AUTS2: variants seen among roughly 807,000 people sequenced by gnomAD.
The protein encoded by AUTS2 is autism susceptibility gene 2 protein.
In AUTS2, 17 loss-of-function variants were observed where a neutral mutation model predicts 112.4. The ratio of observed to expected loss-of-function variants is 0.15; its 90% CI spans 0.10 to 0.23. The LOEUF (loss-of-function observed/expected upper bound fraction) is 0.23, where lower values mean the gene tolerates loss of function less well. Ranked by LOEUF, AUTS2 falls within the 10% of genes least tolerant of loss-of-function variation. The pLI, the probability that AUTS2 is intolerant of heterozygous loss-of-function variation, is 1.00. For synonymous variants in AUTS2, 751 were observed against 702.7 expected (o/e 1.07, Z -1.09); for missense variants, 1,510 against 1,701.6 (o/e 0.89, Z 1.98).
At chr7:70,737,484 T>C (rs1357592345) in intron 6 of AUTS2, among the ~76,000 whole-genome samples, 1 of 152,240 alleles carries the variant, frequency 6.6e-6, no homozygotes, top group Admixed American at 6.5e-5. Context: ...GATAGAAATA[T>C]CTTAACCGAT....
At chr7:69,806,007 C>T (rs1428229930) in intron 1 of AUTS2, among the ~76,000 whole-genome samples, 2 of 151,786 alleles carry the variant, frequency 1.3e-5, no homozygotes, top group Non-Finnish European at 2.9e-5. Flanking sequence ...TCACACGATT[C>T]CCCCACCTCA....
intron 4 of AUTS2, among the ~76,000 whole-genome samples, chr7:70,304,300 G>GCCATGAAT (rs1401250555): frequency 6.6e-6 from 1 of 152,204 alleles, no homozygotes; most frequent in Non-Finnish European, 1.5e-5. Flanking sequence ...GGCCAGGAGA[G>GCCATGAAT]CCATGAATGA....
In AUTS2 at chr7:70,148,747, TGTAA is replaced by T. The variant is rs1247044192; in HGVS notation, c.660+14179_660+14182del. On this transcript the variant is annotated intron_variant, in intron 4 of 18. Coordinates refer to ENST00000342771, the MANE Select transcript of AUTS2 (RefSeq NM_015570.4). ...AACATAAAAGTAAAACAAAAAACGG[TGTAA>T]GTGACAGACTTTACATGGCTGTGGT... Among the ~76,000 whole-genome samples the T allele has an allele frequency of 2.6e-5, 4 of 152,182 alleles. No individual in the cohort carries two copies. In the East Asian group the frequency reaches 5.8e-4, roughly 22 times the overall value.
intron 5 of AUTS2, among the ~76,000 whole-genome samples, chr7:70,447,683 T>C (rs964318847): frequency 1.3e-5 from 2 of 152,156 alleles, no homozygotes; most frequent in African/African-American, 2.4e-5. Context: ...TGAGAGCTGA[T>C]AGGAAAAGAC....
chr7:70,073,764 C>G (rs1802899160), intron 2 of AUTS2, among the ~76,000 whole-genome samples: 1 of 152,134 alleles, frequency 6.6e-6, no homozygotes, highest in Admixed American at 6.5e-5. Flanking sequence ...AAATGCCCTC[C>G]TTTGCTTCCT....
chr7:70,730,217 G>GT (rs35397169), intron 6 of AUTS2, among the ~76,000 whole-genome samples: 2,736 of 148,082 alleles, frequency 0.018, 74 homozygotes, highest in African/African-American at 0.061. Flanking sequence ...AGGACAACCA[G>GT]TTTTTTTTTT....
chr7:70,170,736 T>A (rs1212608530), intron 4 of AUTS2, among the ~76,000 whole-genome samples: 1 of 151,676 alleles, frequency 6.6e-6, no homozygotes, highest in African/African-American at 2.4e-5. Context: ...CCTTGCCGAG[T>A]AGCTGAGATT....
At position 70,766,316 on chromosome 7, in the gene AUTS2, G is replaced by A. The variant is rs148457885; in HGVS notation, c.1671G>A (p.Pro557=). The change falls in exon 9 of 19, where the codon CCG becomes CCA. Residue 557 remains proline (P), a synonymous_variant. Coordinates refer to ENST00000342771, the MANE Select transcript of AUTS2 (RefSeq NM_015570.4). The surrounding 1 kb of genome is among the most constrained non-coding windows in gnomAD (Gnocchi z 4.8). ...CCATCCCACCCACCGCCATCATGCC[G>A]ACGCCAGCACCTCCCATGGTGCGTA... ...PHAIPPTAIM[P]TPAPPMFDKY... 5.8e-5 allele frequency: 93 copies of A among 1,613,914 alleles called. No homozygotes were observed. Among genetic ancestry groups the A allele is most frequent in the African/African-American group, 2.0e-4 (15 of 74,898 alleles).
intron 6 of AUTS2, among the ~76,000 whole-genome samples, chr7:70,702,975 T>C (rs1327108931): frequency 6.6e-6 from 1 of 152,148 alleles, no homozygotes; most frequent in Non-Finnish European, 1.5e-5. Flanking sequence ...CTATCAGCAT[T>C]GTAGAAAGAA....
chr7:70,474,163 C>G (rs1157393756), intron 5 of AUTS2, among the ~76,000 whole-genome samples: 1 of 152,194 alleles, frequency 6.6e-6, no homozygotes, highest in Non-Finnish European at 1.5e-5. Flanking sequence ...CACCAGAGAA[C>G]AGGTTGGAGC....
chr7:69,825,418 T>C (rs1278970176), intron 1 of AUTS2, among the ~76,000 whole-genome samples: 1 of 152,036 alleles, frequency 6.6e-6, no homozygotes, highest in Non-Finnish European at 1.5e-5. Context: ...GCTGAGAGGC[T>C]CTCCTCCGAA....
intron 1 of AUTS2, among the ~76,000 whole-genome samples, chr7:69,761,425 G>A (rs1788180702): frequency 6.6e-6 from 1 of 152,150 alleles, no homozygotes; most frequent in South Asian, 2.1e-4. Flanking sequence ...GACGTCTGTT[G>A]TTTTTCATTG....
rs796507485 is a variant in AUTS2 at position 69,926,445 on chromosome 7, G to GTCTGTCTATCTA, written c.522+26950_522+26951insGTCTATCTATCT. On this transcript the variant is annotated intron_variant, in intron 2 of 18. Transcript: ENST00000342771. The stretch of plus-strand genomic sequence containing the variant: ...CTGAAATCTATCTGTCTGTCTGTCT[G>GTCTGTCTATCTA]TCTATCTATCTATCTATCTATCTAT... Among the ~76,000 whole-genome samples, 295 of 123,190 alleles carry GTCTGTCTATCTA rather than the reference G, an allele frequency of 2.4e-3. 1 individual carries two copies. Among genetic ancestry groups the GTCTGTCTATCTA allele is most frequent in the African/African-American group, 7.2e-3 (219 of 30,572 alleles). The allele number at this position is 123,190 out of a possible 152,430, so 80.8% of individuals were successfully genotyped here. A position where few individuals can be genotyped will look rare whatever the true frequency, so the allele number is the denominator to read the frequency against.
chr7:70,105,214 AT>A (rs534690597), intron 2 of AUTS2, among the ~76,000 whole-genome samples: 33 of 151,442 alleles, frequency 2.2e-4, no homozygotes, highest in South Asian at 8.4e-4. Context: ...AATTTATAGC[AT>A]TTTTTTTAAT....
At chr7:70,018,287 G>C (rs980514752) in intron 2 of AUTS2, among the ~76,000 whole-genome samples, 1 of 151,288 alleles carries the variant, frequency 6.6e-6, no homozygotes, top group African/African-American at 2.4e-5. Context: ...TTTATGTTCA[G>C]TTGAAGGAAT....
intron 1 of AUTS2, among the ~76,000 whole-genome samples, chr7:69,821,790 G>GAC (rs1209421258): frequency 6.6e-6 from 1 of 151,798 alleles, no homozygotes. Flanking sequence ...ACCAACTCTG[G>GAC]ACACAGTCCA....
At chr7:70,502,243 C>T (rs545303955) in intron 5 of AUTS2, among the ~76,000 whole-genome samples, 18 of 152,296 alleles carry the variant, frequency 1.2e-4, no homozygotes, top group African/African-American at 3.8e-4. Context: ...AGGTCCACCT[C>T]GTACCCTTTC....
chr7:69,808,233 G>T (rs777468177), intron 1 of AUTS2, among the ~76,000 whole-genome samples: 1 of 152,150 alleles, frequency 6.6e-6, no homozygotes, highest in African/African-American at 2.4e-5. Context: ...GGCCAAGGCC[G>T]CACTTTTGAA....
chr7:69,981,903 C>T lies in AUTS2; in HGVS notation c.522+82405C>T, dbSNP rs11975219. Among the ~76,000 whole-genome samples the T allele has an allele frequency of 9.0e-3, 1,368 of 152,190 alleles. 22 individuals carry two copies. The highest frequency in any genetic ancestry group is 0.031 in the African/African-American group (1,300 of 41,526). On this transcript the variant is annotated intron_variant, in intron 2 of 18. Coordinates refer to ENST00000342771, the MANE Select transcript of AUTS2 (RefSeq NM_015570.4). ...GTAATTTATTCCCAGTTGTTTGTGACGGTTGCATTTGTGCTTATCTTCTCT... is the reference window on the plus strand; with the variant it reads ...GTAATTTATTCCCAGTTGTTTGTGATGGTTGCATTTGTGCTTATCTTCTCT...
Sources: allele counts gnomAD v4.1 joint callset (sites outside exome capture counted in the v4.1 genomes callset), GRCh38; gene constraint gnomAD v4.1.1; non-coding constraint Gnocchi (gnomAD v3.1); transcripts MANE v1.5; gene names NCBI Gene and HGNC (gene_info 2026-07-23, HGNC 2026-07-21).